The following MTARC1 variants were observed in gnomAD, a reference collection of about 807,000 sequenced individuals.
MTARC1 encodes mitochondrial amidoxime-reducing component 1.
Under a neutral mutation model 33.6 loss-of-function variants are expected in MTARC1, and 24 were observed. The observed-to-expected ratio is 0.72, with a 90% CI of 0.52 to 1.01. The LOEUF is 1.01. Ranked by LOEUF, MTARC1 falls within the 50% of genes least tolerant of loss-of-function variation. The pLI is 0.00. For missense variants in MTARC1, 417 were observed against 445.7 expected (o/e 0.94, Z 0.58); for synonymous variants, 187 against 189.5 (o/e 0.99, Z 0.11).
At chr1:220,798,795 T>C (rs1452013096) in intron 4 of MTARC1, 5 of 930,538 alleles carry the variant, frequency 5.4e-6, no homozygotes. Context: ...GGGGACCATA[T>C]AGTGGTTCTT....
rs1387960604 is a variant in MTARC1, at chr1:220,806,006, A to G, written c.887+732A>G. ...AAAAAACATATAAATGCACATGAGT[A>G]GATAAAAGGCTGAAAGGATATAAAA... On this transcript the variant is annotated intron_variant, in intron 6 of 6. Transcript: ENST00000366910. Among the ~76,000 whole-genome samples the G allele has an allele frequency of 2.6e-5, 4 of 152,230 alleles. No individual in the cohort carries two copies. The East Asian group carries it at 7.7e-4, about 29-fold the overall frequency.
chr1:220,795,860 T>A (rs1672596543), intron 2 of MTARC1, among the ~76,000 whole-genome samples: 1 of 152,134 alleles, frequency 6.6e-6, no homozygotes. Context: ...AACTGAAATT[T>A]CTCTCTGTGC....
chr1:220,812,778 G>A (rs370823141), intron 6 of MTARC1, among the ~76,000 whole-genome samples: 3 of 151,664 alleles, frequency 2.0e-5, no homozygotes, highest in Non-Finnish European at 4.4e-5. Flanking sequence ...AGGCTGGAGC[G>A]CAGTGGCACA....
At position 220,818,383 on chromosome 1, in the gene MTARC1, G is replaced by A. The variant is rs1245842414; in HGVS notation, c.*4965G>A. On this transcript the variant is annotated 3_prime_UTR_variant, in exon 7 of 7. Transcript: ENST00000366910. ...TGTAGGTTGTGTAAAGTAACAAAAA[G>A]GACTGAGAAGTGACTTCCCATTCAG... 6.6e-6 allele frequency: 1 copy of A among 152,130 alleles called. No homozygotes were observed. The highest frequency in any genetic ancestry group is 1.5e-5 in the Non-Finnish European group (1 of 68,018). 9.4% of individuals were successfully genotyped at this position (152,130 alleles called of 1,614,324 possible). A position where few individuals can be genotyped will look rare whatever the true frequency, so the allele number is the denominator to read the frequency against.
At chr1:220,791,404 A>G in intron 1 of MTARC1, 87 bp from the exon 2 acceptor site, 1 of 1,437,932 alleles carries the variant, frequency 7.0e-7, no homozygotes, top group South Asian at 1.3e-5. Context: ...GAAATCAAAG[A>G]TGACAACAGT....
intron 6 of MTARC1, among the ~76,000 whole-genome samples, chr1:220,805,545 T>C (rs920394552): frequency 6.6e-6 from 1 of 152,210 alleles, no homozygotes; most frequent in African/African-American, 2.4e-5. Flanking sequence ...TTTTGACAAA[T>C]TTTATTACGG....
At chr1:220,791,774 A>G (rs1422568431) in intron 2 of MTARC1, 110 bp downstream of exon 2, 1 of 1,206,526 alleles carries the variant, frequency 8.3e-7, no homozygotes, top group Non-Finnish European at 1.2e-6. Context: ...TGAACCGTTG[A>G]TTGCATGTGT....
intron 4 of MTARC1, among the ~76,000 whole-genome samples, chr1:220,800,473 G>A (rs1457046851): frequency 6.6e-6 from 1 of 152,230 alleles, no homozygotes; most frequent in Non-Finnish European, 1.5e-5. Context: ...CAGACGTGGG[G>A]ACGTGACTAA....
intron 2 of MTARC1, among the ~76,000 whole-genome samples, chr1:220,792,760 C>CA (rs145841935): frequency 0.19 from 28,863 of 151,712 alleles, 3,105 homozygotes; most frequent in East Asian, 0.44. Context: ...TGAAATAATA[C>CA]AAAAAATCCT....
intron 2 of MTARC1, among the ~76,000 whole-genome samples, chr1:220,796,371 C>T (rs1672616597): frequency 6.6e-6 from 1 of 152,174 alleles, no homozygotes; most frequent in Non-Finnish European, 1.5e-5. Flanking sequence ...TATTTCATTT[C>T]ATCCTCCCTG....
In MTARC1 at chr1:220,816,614, T is replaced by C. The variant is rs1673285925; in HGVS notation, c.*3196T>C. 1 of 152,270 alleles carries C rather than the reference T, an allele frequency of 6.6e-6. No homozygotes were observed. Among genetic ancestry groups the C allele is most frequent in the South Asian group, 2.1e-4 (1 of 4,834 alleles). The allele number at this position is 152,270 out of a possible 1,614,324, so 9.4% of individuals were successfully genotyped here. A position where few individuals can be genotyped will look rare whatever the true frequency, so the allele number is the denominator to read the frequency against. On this transcript the variant is annotated 3_prime_UTR_variant, in exon 7 of 7. Transcript: ENST00000366910. ...CCCTTCCCAAAGGTCTGTTTTTGAC[T>C]GTCTTTTGAGAAATGATCCTCTGAT... is the stretch of plus-strand genomic sequence containing the variant.
chr1:220,794,409 C>CTG (rs968541909), intron 2 of MTARC1: 10 of 122,892 alleles, frequency 8.1e-5, no homozygotes, highest in African/African-American at 2.7e-4. Context: ...AGACATTAAA[C>CTG]TGCACACACA....
chr1:220,798,455 C>T (rs1178948969), intron 4 of MTARC1: 24 of 985,298 alleles, frequency 2.4e-5, no homozygotes, highest in Non-Finnish European at 2.9e-5. Context: ...AGGTTGTTGC[C>T]CCTAAGCTTC....
intron 6 of MTARC1, among the ~76,000 whole-genome samples, chr1:220,806,423 A>G (rs550724287): frequency 6.6e-6 from 1 of 152,328 alleles, no homozygotes; most frequent in East Asian, 1.9e-4. Context: ...GAAGGAATGC[A>G]GTTGAGATGT....
rs1017520735 is a variant in MTARC1 at position 220,791,710 on chromosome 1, G to A, written c.449+46G>A. 3.1e-6 allele frequency: 5 copies of A among 1,590,390 alleles called. No individual in the cohort carries two copies. In the African/African-American group the frequency reaches 5.4e-5, roughly 17 times the overall value. ...AGCCCTTGTGTGAATGAATAGTCAT[G>A]CAATTTTGAGAAAGCATAAACTCTA... On this transcript the variant is annotated intron_variant, in intron 2 of 6. Transcript: ENST00000366910.
intron 1 of MTARC1, 117 bp downstream of exon 1, chr1:220,787,336 A>G: frequency 7.5e-7 from 1 of 1,339,636 alleles, no homozygotes; most frequent in Non-Finnish European, 9.5e-7. Flanking sequence ...TCCTATTACA[A>G]AGAAACTGGG....
chr1:220,790,282 C>T (rs1475791263), intron 1 of MTARC1, among the ~76,000 whole-genome samples: 3 of 152,176 alleles, frequency 2.0e-5, no homozygotes, highest in South Asian at 2.1e-4. Flanking sequence ...GTGAAGACCT[C>T]GGGAGGTAAG....
chr1:220,801,196 G>A (rs908661696), intron 4 of MTARC1, among the ~76,000 whole-genome samples: 3 of 151,950 alleles, frequency 2.0e-5, no homozygotes, highest in Non-Finnish European at 4.4e-5. Context: ...ACTCCCCTCT[G>A]CTCTCTTACT....
At chr1:220,791,694 G>GTGAA (rs1672426322) in intron 2 of MTARC1, 30 bp downstream of exon 2, 1 of 1,605,082 alleles carries the variant, frequency 6.2e-7, no homozygotes, top group Non-Finnish European at 8.5e-7. Context: ...TAGCCCTTGT[G>GTGAA]TGAATGAATA....
Sources: allele counts gnomAD v4.1 joint callset (sites outside exome capture counted in the v4.1 genomes callset), GRCh38; gene constraint gnomAD v4.1.1; transcripts MANE v1.5; gene names NCBI Gene and HGNC (gene_info 2026-07-23, HGNC 2026-07-21).